Variants in SDK1 observed in about 807,000 individuals in gnomAD.
The protein encoded by SDK1 is protein sidekick-1.
In SDK1, 157 loss-of-function variants were observed where a neutral mutation model predicts 245.5. The observed-to-expected ratio is 0.64, with a 90% CI of 0.56 to 0.73. The LOEUF (loss-of-function observed/expected upper bound fraction) is 0.73, where lower values mean the gene tolerates loss of function less well. SDK1 is among the 30% of genes least tolerant of loss of function. The probability of loss-of-function intolerance (pLI) is 0.00; values close to 1 mark genes in which losing one functional copy is unlikely to be tolerated. For missense variants in SDK1, 3,583 were observed against 3,002.3 expected, an observed-to-expected ratio of 1.19 and a Z score of -4.52; for synonymous variants, 1,647 against 1,278.5, an observed-to-expected ratio of 1.29 and a Z score of -6.15.
At chr7:3,309,469 C>T (rs1343152172) in intron 1 of SDK1, among the ~76,000 whole-genome samples, 2 of 148,016 alleles carry the variant, frequency 1.4e-5, no homozygotes, top group Non-Finnish European at 3.0e-5. Context: ...TAATACCCAG[C>T]TATGTGAAAT....
intron 28 of SDK1, among the ~76,000 whole-genome samples, chr7:4,144,416 A>G (rs925510727): frequency 6.6e-6 from 1 of 151,172 alleles, no homozygotes; most frequent in Admixed American, 6.6e-5. Context: ...CGTCATGGAC[A>G]GGGCAGGGCG....
At chr7:4,228,888 C>G (rs548747082) in intron 40 of SDK1, among the ~76,000 whole-genome samples, 2 of 152,216 alleles carry the variant, frequency 1.3e-5, no homozygotes, top group East Asian at 3.9e-4. Context: ...GAAGAGAAAC[C>G]AGGCTGGCTC....
chr7:4,018,363 T>C (rs1364281427), intron 17 of SDK1, among the ~76,000 whole-genome samples: 1 of 152,218 alleles, frequency 6.6e-6, no homozygotes, highest in East Asian at 1.9e-4. Flanking sequence ...ATTGACTGGC[T>C]GTCTGTTGTC....
rs1417882869 is a variant in SDK1 at position 4,084,710 on chromosome 7, T to C, written c.3324+5126T>C. 5.4e-4 allele frequency among the ~76,000 whole-genome samples: 74 copies of C among 136,424 alleles called. 2 individuals carry two copies. The South Asian group carries it at 0.015, about 29-fold the overall frequency. 89.5% of individuals were successfully genotyped at this position (136,424 alleles called of 152,430 possible). A position where few individuals can be genotyped will look rare whatever the true frequency, so the allele number is the denominator to read the frequency against. Reference sequence around the variant, plus strand: ...TGTTATGTTATGTTATGTTATGTTATGTTATGTTATGTTATGTTATGTTGT... The same window carrying C: ...TGTTATGTTATGTTATGTTATGTTACGTTATGTTATGTTATGTTATGTTGT... On this transcript the variant is annotated intron_variant, in intron 22 of 44. Transcript: ENST00000404826.
intron 4 of SDK1, among the ~76,000 whole-genome samples, chr7:3,664,700 A>G (rs1304084443): frequency 1.3e-5 from 2 of 151,226 alleles, no homozygotes; most frequent in Non-Finnish European, 2.9e-5. Flanking sequence ...AGATTGTGCC[A>G]CTGCACTCCA....
chr7:3,780,033 C>T (rs1780684424), intron 4 of SDK1, among the ~76,000 whole-genome samples: 1 of 152,064 alleles, frequency 6.6e-6, no homozygotes, highest in Non-Finnish European at 1.5e-5. Flanking sequence ...CCCCCACACA[C>T]CAAAAGGTGA....
At chr7:4,140,603 C>T (rs553626444) in intron 28 of SDK1, among the ~76,000 whole-genome samples, 2 of 152,150 alleles carry the variant, frequency 1.3e-5, no homozygotes, top group Non-Finnish European at 2.9e-5. Flanking sequence ...GCAGGGTATC[C>T]TGGGAAGAGC....
At chr7:3,446,695 C>A (rs538709169) in intron 1 of SDK1, among the ~76,000 whole-genome samples, 1 of 152,088 alleles carries the variant, frequency 6.6e-6, no homozygotes, top group Non-Finnish European at 1.5e-5. Context: ...TCAAACAAGA[C>A]AAAATTATTA....
At chr7:3,340,558 C>G (rs181488058) in intron 1 of SDK1, among the ~76,000 whole-genome samples, 3 of 152,050 alleles carry the variant, frequency 2.0e-5, no homozygotes, top group Non-Finnish European at 2.9e-5. Flanking sequence ...CTCAGGAGAT[C>G]GAGACCATCC....
At chr7:3,971,658 A>T in intron 12 of SDK1, 90 bp downstream of exon 12, 2 of 970,882 alleles carry the variant, frequency 2.1e-6, no homozygotes, top group Non-Finnish European at 3.2e-6. Context: ...GAATTGGGGG[A>T]ACTTTTGATT....
rs74802752 is a variant in SDK1 at position 3,439,327 on chromosome 7, T to C, written c.298+137443T>C. ...CTTGCTTAAAAACCAATAAAGCTAA[T>C]GTTTCTCAAGTCATCATATATGAGT... On this transcript the variant is annotated intron_variant, in intron 1 of 44. Coordinates refer to ENST00000404826, the MANE Select transcript of SDK1 (RefSeq NM_152744.4). 9.7e-3 allele frequency among the ~76,000 whole-genome samples: 1,477 copies of C among 152,294 alleles called. 24 individuals carry two copies. The highest frequency in any genetic ancestry group is 0.033 in the African/African-American group (1,392 of 41,558).
intron 4 of SDK1, among the ~76,000 whole-genome samples, chr7:3,809,115 G>A (rs1458941323): frequency 1.3e-5 from 2 of 152,244 alleles, no homozygotes; most frequent in East Asian, 3.9e-4. Flanking sequence ...GGTGGCATCT[G>A]CACCTGGGGA....
intron 5 of SDK1, among the ~76,000 whole-genome samples, chr7:3,904,408 A>G (rs1445276497): frequency 6.6e-6 from 1 of 152,130 alleles, no homozygotes; most frequent in African/African-American, 2.4e-5. Flanking sequence ...ATATTCTGTA[A>G]TGAAACTAGC....
intron 1 of SDK1, among the ~76,000 whole-genome samples, chr7:3,400,146 T>G (rs1484898953): frequency 6.6e-6 from 1 of 152,072 alleles, no homozygotes; most frequent in Non-Finnish European, 1.5e-5. Context: ...CTACACATTT[T>G]CACATTGTTA....
At chr7:3,459,174 T>A (rs536917361) in intron 1 of SDK1, among the ~76,000 whole-genome samples, 1 of 152,352 alleles carries the variant, frequency 6.6e-6, no homozygotes. Flanking sequence ...TTGCATTTTA[T>A]CTGAAATTGC....
At position 3,556,251 on chromosome 7, in the gene SDK1, C is replaced by A. The variant is rs570716901; in HGVS notation, c.299-62829C>A. On this transcript the variant is annotated intron_variant, in intron 1 of 44. Coordinates refer to ENST00000404826, the MANE Select transcript of SDK1 (RefSeq NM_152744.4). ...ATTCAGCCATAAAGAAAAATGAGAT[C>A]CTGTCATTTGCAACAACACTCGTTT... 7.9e-5 allele frequency among the ~76,000 whole-genome samples: 12 copies of A among 152,136 alleles called. No individual in the cohort carries two copies. In the South Asian group the frequency reaches 1.2e-3, roughly 16 times the overall value.
chr7:3,405,555 T>C (rs1450063645), intron 1 of SDK1, among the ~76,000 whole-genome samples: 1 of 152,196 alleles, frequency 6.6e-6, no homozygotes, highest in Non-Finnish European at 1.5e-5. Flanking sequence ...GACTGTTTTA[T>C]CTGTTTGTTG....
chr7:3,959,376 C>T (rs903609037), intron 8 of SDK1, among the ~76,000 whole-genome samples: 4 of 152,060 alleles, frequency 2.6e-5, no homozygotes, highest in South Asian at 2.1e-4. Context: ...CTTTCTCATC[C>T]ATGGGGTGAC....
At chr7:3,517,604 G>T (rs1339180309) in intron 1 of SDK1, among the ~76,000 whole-genome samples, 1 of 152,146 alleles carries the variant, frequency 6.6e-6, no homozygotes, top group Non-Finnish European at 1.5e-5. Context: ...GCAGCTCAGA[G>T]CCTGTCCCGC....
Sources: allele counts gnomAD v4.1 joint callset (sites outside exome capture counted in the v4.1 genomes callset), GRCh38; gene constraint gnomAD v4.1.1; transcripts MANE v1.5; gene names NCBI Gene and HGNC (gene_info 2026-07-23, HGNC 2026-07-21).